Variants in RNF185 observed in about 807,000 individuals in gnomAD.
The protein encoded by RNF185 is ring finger protein 185, also known as E3 ubiquitin-protein ligase RNF185.
A neutral mutation model predicts 24.9 loss-of-function variants in RNF185; 13 were observed. The ratio of observed to expected loss-of-function variants is 0.52; its 90% CI spans 0.34 to 0.83. The LOEUF (loss-of-function observed/expected upper bound fraction) is 0.83. Among genes scored for constraint, RNF185 ranks in the 40% least tolerant of loss-of-function variants. The probability of loss-of-function intolerance (pLI) is 0.01; values close to 1 mark genes in which losing one functional copy is unlikely to be tolerated. For synonymous variants in RNF185, 79 were observed against 90.3 expected (o/e 0.88, Z 0.71); for missense variants, 184 against 244.7 (o/e 0.75, Z 1.65).
intron 1 of RNF185, among the ~76,000 whole-genome samples, chr22:31,177,706 G>C (rs1178879330): frequency 6.6e-6 from 1 of 152,172 alleles, no homozygotes; most frequent in Non-Finnish European, 1.5e-5. Context: ...ACAGAAATGA[G>C]ACCTCTGCTG....
intron 5 of RNF185, among the ~76,000 whole-genome samples, chr22:31,198,603 T>C (rs1028825615): frequency 6.6e-6 from 1 of 151,384 alleles, no homozygotes; most frequent in Non-Finnish European, 1.5e-5. Context: ...TTCTCCATGT[T>C]GGTCAGGCTG....
chr22:31,178,801 G>A (rs2048007129), intron 1 of RNF185, among the ~76,000 whole-genome samples: 5 of 152,144 alleles, frequency 3.3e-5, no homozygotes, highest in Admixed American at 3.3e-4. Flanking sequence ...AATTTACTCT[G>A]TACTCATTTC....
intron 1 of RNF185, among the ~76,000 whole-genome samples, chr22:31,169,310 C>T (rs1416092557): frequency 6.6e-6 from 1 of 152,154 alleles, no homozygotes; most frequent in Non-Finnish European, 1.5e-5. Flanking sequence ...AATATTTTCT[C>T]CCATTCTGTG....
chr22:31,187,286 T>C lies in RNF185; in HGVS notation c.176+16T>C, dbSNP rs1330219389. The C allele has an allele frequency of 6.2e-7, 1 of 1,613,194 alleles. No individual in the cohort carries two copies. The highest frequency in any genetic ancestry group is 1.1e-5 in the South Asian group (1 of 90,996). On this transcript the variant is annotated intron_variant, in intron 2 of 6. Transcript: ENST00000326132. ...ACCTCTTCTGGTCAGTACCCCTACT[T>C]CCACCCCAGAGAGCACATTGCCAAG...
intron 2 of RNF185, among the ~76,000 whole-genome samples, chr22:31,188,184 C>T (rs758064045): frequency 6.6e-6 from 1 of 151,930 alleles, no homozygotes; most frequent in Non-Finnish European, 1.5e-5. Flanking sequence ...AACCCAGATT[C>T]GACTAAAGGG....
At position 31,206,164 on chromosome 22, in the gene RNF185, G is replaced by A. The variant is rs1272311678; in HGVS notation, c.*1578G>A. 2.0e-5 allele frequency: 3 copies of A among 153,056 alleles called. No individual in the cohort carries two copies. The highest frequency in any genetic ancestry group is 2.9e-5 in the Non-Finnish European group (2 of 68,162). 9.5% of individuals were successfully genotyped at this position (153,056 alleles called of 1,614,324 possible). A position where few individuals can be genotyped will look rare whatever the true frequency, so the allele number is the denominator to read the frequency against. On this transcript the variant is annotated 3_prime_UTR_variant, in exon 7 of 7. Coordinates refer to ENST00000326132, the MANE Select transcript of RNF185 (RefSeq NM_152267.4). The stretch of plus-strand genomic sequence containing the variant: ...TGACTGCATAGTTTATGGAAACAAA[G>A]ATCTTGAGGAAGATGAGGGAAGCCC...
At chr22:31,198,241 T>C (rs540331962) in intron 5 of RNF185, among the ~76,000 whole-genome samples, 49 of 152,280 alleles carry the variant, frequency 3.2e-4, no homozygotes, top group Non-Finnish European at 5.1e-4. Flanking sequence ...ATTTATCCTA[T>C]TGAGTTTTTT....
rs538931022 is a variant in RNF185, at chr22:31,163,855, G to T, written c.-49+3552G>T. Among the ~76,000 whole-genome samples, 231 of 151,830 alleles carry T rather than the reference G, an allele frequency of 1.5e-3. 4 individuals are homozygous for T. The highest frequency in any genetic ancestry group is 2.2e-4 in the Non-Finnish European group (15 of 67,950). ...TGCCTGGCTAATTTTTGTATTTTTA[G>T]TGGAGACGGGGTTTCACCATGTTGG... On this transcript the variant is annotated intron_variant, in intron 1 of 6. Coordinates refer to ENST00000326132, the MANE Select transcript of RNF185 (RefSeq NM_152267.4).
At chr22:31,179,804 CT>C (rs2048016440) in intron 1 of RNF185, among the ~76,000 whole-genome samples, 1 of 152,068 alleles carries the variant, frequency 6.6e-6, no homozygotes, top group Non-Finnish European at 1.5e-5. Flanking sequence ...CCATGCACAG[CT>C]TTGTTGGGTC....
rs919456112 is a variant in RNF185, at chr22:31,181,392, C to T, written c.-48-5655C>T. Among the ~76,000 whole-genome samples the T allele has an allele frequency of 7.2e-5, 11 of 152,072 alleles. No homozygotes were observed. The Middle Eastern group carries it at 9.5e-3, about 131-fold the overall frequency. On this transcript the variant is annotated intron_variant, in intron 1 of 6. Transcript: ENST00000326132. ...TTATTGTAATTTTCAAACACACACA[C>T]AGACTATTACAGTGAACCTCCATTC... is the stretch of plus-strand genomic sequence containing the variant.
At chr22:31,171,250 ACCTCC>A (rs1430194717) in intron 1 of RNF185, among the ~76,000 whole-genome samples, 1 of 150,142 alleles carries the variant, frequency 6.7e-6, no homozygotes, top group Non-Finnish European at 1.5e-5. Context: ...GCTCACTGCA[ACCTCC>A]GCCTCCTTGG....
At chr22:31,198,707 T>TC (rs1217365033) in intron 5 of RNF185, among the ~76,000 whole-genome samples, 1 of 130,416 alleles carries the variant, frequency 7.7e-6, no homozygotes, top group South Asian at 2.4e-4. Flanking sequence ...CCACTTTCTT[T>TC]TTTTTTTTTT....
At chr22:31,166,668 G>A (rs1055650779) in intron 1 of RNF185, among the ~76,000 whole-genome samples, 3 of 141,432 alleles carry the variant, frequency 2.1e-5, no homozygotes, top group African/African-American at 8.0e-5. Flanking sequence ...TCTTCTTCTC[G>A]AGACAGAGTC....
At chr22:31,183,967 C>T (rs578167087) in intron 1 of RNF185, among the ~76,000 whole-genome samples, 172 of 2,688 alleles carry the variant, frequency 0.064, 4 homozygotes, top group South Asian at 0.45. Flanking sequence ...GCTGTCCAGG[C>T]GGGGGCTGCC....
intron 3 of RNF185, 27 bp downstream of exon 3, chr22:31,192,729 C>T: frequency 1.2e-6 from 2 of 1,610,384 alleles, no homozygotes; most frequent in Non-Finnish European, 1.7e-6. Flanking sequence ...TTTACTTTGT[C>T]TTTCATCAGC....
chr22:31,192,758 C>T (rs1221610550), intron 3 of RNF185, 56 bp downstream of exon 3: 1 of 1,539,560 alleles, frequency 6.5e-7, no homozygotes, highest in East Asian at 2.2e-5. Context: ...CACAAGAGAG[C>T]CCTAGTCTCA....
chr22:31,205,250 A>G lies in RNF185; in HGVS notation c.*664A>G. On this transcript the variant is annotated 3_prime_UTR_variant, in exon 7 of 7. Transcript: ENST00000326132. ...GGCTGTGCTCAGTGTCTTTGGCCTC[A>G]GAGAACAACTTGAATGACTTCCTGG... 1 of 170,334 alleles carries G rather than the reference A, an allele frequency of 5.9e-6. No individual in the cohort carries two copies. 10.6% of individuals were successfully genotyped at this position (170,334 alleles called of 1,614,324 possible).
chr22:31,178,725 A>G (rs1198236582), intron 1 of RNF185, among the ~76,000 whole-genome samples: 1 of 152,238 alleles, frequency 6.6e-6, no homozygotes, highest in Non-Finnish European at 1.5e-5. Context: ...TGGTAGCACC[A>G]GACCTCAAAT....
At chr22:31,192,591 A>G in intron 2 of RNF185, 93 bp from the exon 3 acceptor site, 3 of 1,041,588 alleles carry the variant, frequency 2.9e-6, no homozygotes, top group Non-Finnish European at 4.6e-6. Flanking sequence ...CTACCACTCC[A>G]CCCATCAAGT....
Sources: gnomAD v4.1 joint callset for allele counts (sites outside exome capture counted in the v4.1 genomes callset) on GRCh38, gnomAD v4.1.1 for gene constraint, MANE v1.5 for transcripts, NCBI Gene and HGNC (gene_info 2026-07-23, HGNC 2026-07-21) for gene names.